MN1: variants seen among roughly 807,000 people sequenced by gnomAD.
MN1 encodes MN1 proto-oncogene, transcriptional regulator.
MN1 carries 19 observed loss-of-function variants against 86.9 expected under a neutral mutation model. The ratio of observed to expected loss-of-function variants is 0.22; its 90% CI spans 0.15 to 0.32. MN1 has a LOEUF of 0.32. Ranked by LOEUF, MN1 falls within the 10% of genes least tolerant of loss-of-function variation. MN1 has a pLI of 1.00. For synonymous variants in MN1, 928 were observed against 849.6 expected (o/e 1.09, Z -1.60); for missense variants, 1,841 against 1,862.0 (o/e 0.99, Z 0.21).
Position 27,749,189 on chromosome 22 carries a change from G to A in MN1, c.*1726C>T. On this transcript the variant is annotated 3_prime_UTR_variant, in exon 2 of 2. Transcript: ENST00000302326. ...GAAGGAAAGAGGGGAGAAGGGAGGG[G>A]AAAGAGTGAGGTTTTTCTGAAAGCT... 4.3e-6 allele frequency: 1 copy of A among 231,104 alleles called. No individual in the cohort carries two copies. 14.3% of individuals were successfully genotyped at this position (231,104 alleles called of 1,614,324 possible).
Position 27,798,767 on chromosome 22 carries a change from C to T in MN1, c.1777G>A (p.Gly593Ser), listed in dbSNP as rs774828320. 8 of 1,534,118 alleles carry T rather than the reference C, an allele frequency of 5.2e-6. No individual in the cohort carries two copies. Among genetic ancestry groups the T allele is most frequent in the African/African-American group, 4.1e-5 (3 of 72,936 alleles). ...GGCTGGGCCAAGCCGCCCACCGGGC[C>T]GCCATGCACCAGGCCGCCCTGGCCC... ...DVGQGGLVHG[G>S]PVGGLAQPNF... The change falls in exon 1 of 2, where the codon GGC (glycine) becomes AGC (serine). Residue 593 changes from glycine (G) to serine (S), a missense_variant. Gly to Ser is a moderately conservative substitution (Grantham distance 56). Coordinates refer to ENST00000302326, the MANE Select transcript of MN1 (RefSeq NM_002430.3).
At position 27,750,562 on chromosome 22, in the gene MN1, A is replaced by T. The variant is rs1932754567; in HGVS notation, c.*353T>A. 4.1e-6 allele frequency: 1 copy of T among 246,284 alleles called. No homozygotes were observed. Among genetic ancestry groups the T allele is most frequent in the African/African-American group, 2.2e-5 (1 of 45,820 alleles). The allele number at this position is 246,284 out of a possible 1,614,324, so 15.3% of individuals were successfully genotyped here. ...ACATACAGCAGCATGAAAACAAAAC[A>T]AGGAAAGAGGTCATCTAAAAAATGT... On this transcript the variant is annotated 3_prime_UTR_variant, in exon 2 of 2. Coordinates refer to ENST00000302326, the MANE Select transcript of MN1 (RefSeq NM_002430.3).
chr22:27,759,000 AT>A (rs577791398), intron 1 of MN1, among the ~76,000 whole-genome samples: 1 of 151,754 alleles, frequency 6.6e-6, no homozygotes, highest in African/African-American at 2.4e-5. Flanking sequence ...TAATTCTTGT[AT>A]TTTTTTTATA....
At chr22:27,782,110 G>C (rs1286337996) in intron 1 of MN1, among the ~76,000 whole-genome samples, 2 of 152,194 alleles carry the variant, frequency 1.3e-5, no homozygotes, top group African/African-American at 2.4e-5. Flanking sequence ...GGCACAGGGA[G>C]AGCTGTCGGG....
rs912367202 is a variant in MN1, at chr22:27,801,087, C to A, written c.-544G>T. On this transcript the variant is annotated 5_prime_UTR_variant, in exon 1 of 2. Transcript: ENST00000302326. ...ACCGACAGAGCGGTCCCTCCCCCCG[C>A]CCCCCGGAGTCCCCGCGCCCCGCAG... 8.6e-6 allele frequency: 2 copies of A among 231,326 alleles called. No individual in the cohort carries two copies. The highest frequency in any genetic ancestry group is 8.6e-6 in the Non-Finnish European group (1 of 116,350). 14.3% of individuals were successfully genotyped at this position (231,326 alleles called of 1,614,324 possible). A position where few individuals can be genotyped will look rare whatever the true frequency, so the allele number is the denominator to read the frequency against.
chr22:27,770,475 C>T (rs1041457112), intron 1 of MN1, among the ~76,000 whole-genome samples: 3 of 152,172 alleles, frequency 2.0e-5, no homozygotes, highest in Non-Finnish European at 4.4e-5. Context: ...TCCACCTCTG[C>T]CTTGTCCCAG....
chr22:27,798,454 G>A lies in MN1; in HGVS notation c.2090C>T (p.Ser697Leu). ...PGEGHVPALPSPGLQFGGSLG... is the reference protein window; with the variant it reads ...PGEGHVPALPLPGLQFGGSLG... Reference sequence around the variant, plus strand: ...ACTGCCCCCGAACTGCAGGCCCGGTGAAGGCAGCGCGGGCACGTGGCCCTC... The same window carrying A: ...ACTGCCCCCGAACTGCAGGCCCGGTAAAGGCAGCGCGGGCACGTGGCCCTC... The change falls in exon 1 of 2, where the codon TCA (serine) becomes TTA (leucine). Residue 697 changes from serine to leucine, a missense_variant. Coordinates refer to ENST00000302326, the MANE Select transcript of MN1 (RefSeq NM_002430.3). The A allele has an allele frequency of 6.4e-7, 1 of 1,564,494 alleles. No individual in the cohort carries two copies. The highest frequency in any genetic ancestry group is 8.6e-7 in the Non-Finnish European group (1 of 1,164,574).
At chr22:27,774,836 C>G (rs1380400376) in intron 1 of MN1, among the ~76,000 whole-genome samples, 1 of 152,118 alleles carries the variant, frequency 6.6e-6, no homozygotes, top group East Asian at 1.9e-4. Context: ...CTGCCAGGTA[C>G]CAACCTAAGC....
At chr22:27,786,020 C>T (rs1050490088) in intron 1 of MN1, among the ~76,000 whole-genome samples, 36 of 152,256 alleles carry the variant, frequency 2.4e-4, no homozygotes, top group Non-Finnish European at 3.7e-4. Flanking sequence ...GCAAAGACTC[C>T]GTCTGGCCCT....
At position 27,756,370 on chromosome 22, in the gene MN1, C is replaced by A. The variant is rs550895461; in HGVS notation, c.3782-5274G>T. Among the ~76,000 whole-genome samples the A allele has an allele frequency of 3.3e-5, 5 of 152,200 alleles. No individual in the cohort carries two copies. The East Asian group carries it at 9.7e-4, about 30-fold the overall frequency. ...AATGTGGGTGAGCCACGTGCTCAGG[C>A]GTCGTGAGCCGGGCGGAGGTGGCTG... On this transcript the variant is annotated intron_variant, in intron 1 of 1. Transcript: ENST00000302326.
intron 1 of MN1, among the ~76,000 whole-genome samples, chr22:27,765,421 AAG>A (rs869148463): frequency 1.3e-4 from 12 of 90,046 alleles, no homozygotes; most frequent in African/African-American, 7.9e-4. Flanking sequence ...AGAAAAAAAA[AAG>A]TCATTCCAGA....
Position 27,799,417 on chromosome 22 carries a change from G to T in MN1, c.1127C>A (p.Pro376His). The change falls in exon 1 of 2, where the codon CCT becomes CAT. Residue 376 changes from proline (P) to histidine (H), a missense_variant. By Grantham distance (77) the Pro-to-His change is moderately conservative. Coordinates refer to ENST00000302326, the MANE Select transcript of MN1 (RefSeq NM_002430.3). Reference protein sequence around the residue: ...GLLVRQNSCPPALPRPQQGEA... With the variant: ...GLLVRQNSCPHALPRPQQGEA... Reference sequence around the variant, plus strand: ...GCCCTGCTGGGGCCGAGGGAGCGCAGGCGGGCACGAATTTTGTCGGACTAG... The same window carrying T: ...GCCCTGCTGGGGCCGAGGGAGCGCATGCGGGCACGAATTTTGTCGGACTAG... 1 of 1,486,806 alleles carries T rather than the reference G, an allele frequency of 6.7e-7. No homozygotes were observed. The allele number at this position is 1,486,806 out of a possible 1,614,324, so 92.1% of individuals were successfully genotyped here. A position where few individuals can be genotyped will look rare whatever the true frequency, so the allele number is the denominator to read the frequency against.
chr22:27,766,292 T>C (rs1327405216), intron 1 of MN1, among the ~76,000 whole-genome samples: 1 of 151,830 alleles, frequency 6.6e-6, no homozygotes, highest in African/African-American at 2.4e-5. Context: ...ACCTTGGGGG[T>C]TGGAGAGAGG....
intron 1 of MN1, among the ~76,000 whole-genome samples, chr22:27,778,036 A>T (rs1933002730): frequency 6.6e-6 from 1 of 152,140 alleles, no homozygotes; most frequent in African/African-American, 2.4e-5. Flanking sequence ...TTTGTCTGGT[A>T]ACTGCCCGTG....
chr22:27,765,065 G>A (rs1932859167), intron 1 of MN1, among the ~76,000 whole-genome samples: 2 of 152,200 alleles, frequency 1.3e-5, no homozygotes, highest in East Asian at 1.9e-4. Context: ...ACCCAGTCAA[G>A]GTAACACATA....
At chr22:27,751,540 G>T (rs1301812666) in intron 1 of MN1, among the ~76,000 whole-genome samples, 1 of 152,190 alleles carries the variant, frequency 6.6e-6, no homozygotes, top group Non-Finnish European at 1.5e-5. Context: ...CCAGAACACA[G>T]CCTGTTTGTG....
intron 1 of MN1, among the ~76,000 whole-genome samples, chr22:27,784,492 A>G (rs1473776959): frequency 6.6e-6 from 1 of 152,228 alleles, no homozygotes; most frequent in East Asian, 1.9e-4. Flanking sequence ...CTAGGACACC[A>G]GTTTTTGCAG....
chr22:27,797,581 C>A lies in MN1; in HGVS notation c.2963G>T (p.Gly988Val). The A allele has an allele frequency of 6.3e-7, 1 of 1,599,742 alleles. No individual in the cohort carries two copies. The highest frequency in any genetic ancestry group is 8.5e-7 in the Non-Finnish European group (1 of 1,172,962). ...CCCGCGCGTCTCGCCTGCGGAGCTTCCCCCGACGGCTGCGCCTGACGCTTG... is the reference window on the plus strand; with the variant it reads ...CCCGCGCGTCTCGCCTGCGGAGCTTACCCCGACGGCTGCGCCTGACGCTTG... Reference protein sequence around the residue: ...QQQASGAAVGGSSAGETRGAP... With the variant: ...QQQASGAAVGVSSAGETRGAP... Residue 988 changes from glycine (G) to valine (V), a missense_variant, in exon 1 of 2, where the codon GGA becomes GTA. Transcript: ENST00000302326.
At position 27,771,219 on chromosome 22, in the gene MN1, C is replaced by CT. The variant is rs11330963; in HGVS notation, c.3782-20124dup. On this transcript the variant is annotated intron_variant, in intron 1 of 1. Coordinates refer to ENST00000302326, the MANE Select transcript of MN1 (RefSeq NM_002430.3). ...TGTTTTGGTGGGGTTTTTTCCCTAA[C>CT]TTTTTTTTTTTTTTTTTTTTTTTTT... Among the ~76,000 whole-genome samples, 126 of 86,636 alleles carry CT rather than the reference C, an allele frequency of 1.5e-3. 2 individuals carry two copies. Among genetic ancestry groups the CT allele is most frequent in the South Asian group, 4.7e-3 (10 of 2,122 alleles). 56.8% of individuals were successfully genotyped at this position (86,636 alleles called of 152,430 possible). A position where few individuals can be genotyped will look rare whatever the true frequency, so the allele number is the denominator to read the frequency against.
Sources: gnomAD v4.1 joint callset for allele counts (sites outside exome capture counted in the v4.1 genomes callset) on GRCh38, gnomAD v4.1.1 for gene constraint, MANE v1.5 for transcripts, NCBI Gene and HGNC (gene_info 2026-07-23, HGNC 2026-07-21) for gene names.